Variants in FAF1 observed in about 807,000 individuals in gnomAD.
The protein encoded by FAF1 is Fas associated factor 1.
In FAF1, 25 loss-of-function variants were observed where a neutral mutation model predicts 92.5. That is an observed-to-expected ratio of 0.27 (90% CI 0.20 to 0.38). FAF1 has a LOEUF of 0.38. Among genes scored for constraint, FAF1 ranks in the 10% least tolerant of loss-of-function variants. The pLI is 1.00. For missense variants in FAF1, 636 were observed against 793.3 expected (o/e 0.80, Z 2.38); for synonymous variants, 234 against 273.2 (o/e 0.86, Z 1.42).
Position 50,543,867 on chromosome 1 carries a change from C to G in FAF1, c.1269-4139G>C, listed in dbSNP as rs370836990. Among the ~76,000 whole-genome samples, 29 of 152,018 alleles carry G rather than the reference C, an allele frequency of 1.9e-4. No homozygotes were observed. In the South Asian group the frequency reaches 4.8e-3, roughly 25 times the overall value. ...AATACCACAAAATTTTAAACATTTA[C>G]AACTGGATACAAAACTAAAATCACT... On this transcript the variant is annotated intron_variant, in intron 13 of 18. Transcript: ENST00000396153.
intron 3 of FAF1, among the ~76,000 whole-genome samples, chr1:50,801,045 C>T (rs1168207470): frequency 6.6e-6 from 1 of 152,208 alleles, no homozygotes; most frequent in Non-Finnish European, 1.5e-5. Context: ...TACATTGCAA[C>T]TATTATAATT....
At chr1:50,549,469 C>T (rs1024711273) in intron 13 of FAF1, among the ~76,000 whole-genome samples, 3 of 151,710 alleles carry the variant, frequency 2.0e-5, no homozygotes, top group African/African-American at 7.3e-5. Context: ...CCACCATGCC[C>T]AGCTAAGTTT....
intron 8 of FAF1, among the ~76,000 whole-genome samples, chr1:50,609,039 T>C (rs1196665682): frequency 6.6e-6 from 1 of 152,244 alleles, no homozygotes; most frequent in Non-Finnish European, 1.5e-5. Context: ...GACAGTACTA[T>C]AAGTAGAGTG....
intron 13 of FAF1, among the ~76,000 whole-genome samples, chr1:50,556,238 C>CAA (rs34420030): frequency 0.014 from 1,038 of 73,716 alleles, 19 homozygotes; most frequent in African/African-American, 0.046. Flanking sequence ...ACTCCATCTC[C>CAA]AAAAAAAAAA....
At chr1:50,584,389 T>C (rs1651127823) in intron 10 of FAF1, among the ~76,000 whole-genome samples, 2 of 152,138 alleles carry the variant, frequency 1.3e-5, no homozygotes, top group Admixed American at 1.3e-4. Context: ...AGTACACCTG[T>C]TTGTTAATCA....
chr1:50,538,320 G>A (rs932187628), intron 14 of FAF1, among the ~76,000 whole-genome samples: 29 of 151,956 alleles, frequency 1.9e-4, no homozygotes, highest in African/African-American at 6.3e-4. Flanking sequence ...CTCCCATTGT[G>A]CCACATAAAC....
chr1:50,850,002 C>T (rs972438069), intron 2 of FAF1, among the ~76,000 whole-genome samples: 2 of 150,200 alleles, frequency 1.3e-5, no homozygotes, highest in Admixed American at 6.6e-5. Context: ...GGGAAAGAGG[C>T]AACAAAATAG....
At position 50,880,703 on chromosome 1, in the gene FAF1, G is replaced by T. The variant is rs139792208; in HGVS notation, c.46-22706C>A. Among the ~76,000 whole-genome samples the T allele has an allele frequency of 7.0e-4, 106 of 152,304 alleles. No individual in the cohort carries two copies. The East Asian group carries it at 0.018, about 25-fold the overall frequency. ...AGAAAATTTGTTTCTGTTGTTTAAGGCACCCAGTGTACGATATTGTTACGG... is the reference window on the plus strand; with the variant it reads ...AGAAAATTTGTTTCTGTTGTTTAAGTCACCCAGTGTACGATATTGTTACGG... On this transcript the variant is annotated intron_variant, in intron 1 of 18. Transcript: ENST00000396153.
chr1:50,570,194 A>G (rs777802567), intron 12 of FAF1, among the ~76,000 whole-genome samples: 13 of 152,240 alleles, frequency 8.5e-5, no homozygotes, highest in Non-Finnish European at 1.6e-4. Context: ...GCCAATTCAC[A>G]AAGCCTAGGA....
Position 50,584,742 on chromosome 1 carries a change from C to T in FAF1, c.910G>A (p.Val304Met). 1 of 1,613,630 alleles carries T rather than the reference C, an allele frequency of 6.2e-7. No homozygotes were observed. Among genetic ancestry groups the T allele is most frequent in the South Asian group, 1.1e-5 (1 of 91,070 alleles). The part of the protein sequence containing the change: ...DDFEDATEFG[V>M]DDGEVFGMAS... ...ATGCCAAATACTTCTCCATCATCCA[C>T]CCCAAATTCTGTAGCATCTTCAAAG... is the stretch of plus-strand genomic sequence containing the variant. Residue 304 changes from valine (V) to methionine (M), a missense_variant, in exon 10 of 19, where the codon GTG becomes ATG. Val to Met is a conservative substitution (Grantham distance 21). Coordinates refer to ENST00000396153, the MANE Select transcript of FAF1 (RefSeq NM_007051.3).
intron 13 of FAF1, 42 bp from the exon 14 acceptor site, chr1:50,539,770 TTAATAGATTTAC>T (rs767973107): frequency 6.8e-7 from 1 of 1,479,488 alleles, no homozygotes. Context: ...GCTTTGTAGT[TTAATAGATTTAC>T]TAGTACTTCA....
At chr1:50,537,868 T>C (rs1026251952) in intron 14 of FAF1, among the ~76,000 whole-genome samples, 4 of 152,196 alleles carry the variant, frequency 2.6e-5, no homozygotes, top group Admixed American at 6.6e-5. Flanking sequence ...TTCATAAATG[T>C]GGATGTTCTT....
At chr1:50,628,018 A>G (rs11205746) in intron 8 of FAF1, among the ~76,000 whole-genome samples, 74,468 of 151,966 alleles carry the variant, frequency 0.49, 20,366 homozygotes, top group African/African-American at 0.72. Flanking sequence ...ATAACTGCAG[A>G]TAACTCTGAA....
At chr1:50,554,390 T>TATAGAGAGAGAGAGAGAGAGAGAGAG in intron 13 of FAF1, among the ~76,000 whole-genome samples, 18 of 93,684 alleles carry the variant, frequency 1.9e-4, no homozygotes, top group African/African-American at 8.5e-4. Context: ...TATATATATA[T>TATAGAGAGAGAGAGAGAGAGAGAGAG]AGAGAGAGAG....
chr1:50,880,282 GA>G (rs542246706), intron 1 of FAF1, among the ~76,000 whole-genome samples: 224 of 152,234 alleles, frequency 1.5e-3, no homozygotes, highest in African/African-American at 5.2e-3. Flanking sequence ...TAAAAAAAGG[GA>G]AAAAGGGCTA....
chr1:50,804,137 C>A (rs1426057855), intron 2 of FAF1, among the ~76,000 whole-genome samples: 1 of 152,070 alleles, frequency 6.6e-6, no homozygotes, highest in African/African-American at 2.4e-5. Context: ...AAGCACTATG[C>A]TAGACAATTA....
At chr1:50,824,832 G>T (rs1644080365) in intron 2 of FAF1, among the ~76,000 whole-genome samples, 1 of 152,040 alleles carries the variant, frequency 6.6e-6, no homozygotes, top group Non-Finnish European at 1.5e-5. Flanking sequence ...TATATTAAGT[G>T]AAATAAGCCA....
intron 1 of FAF1, among the ~76,000 whole-genome samples, chr1:50,907,612 G>C (rs1231725540): frequency 6.6e-6 from 1 of 152,134 alleles, no homozygotes; most frequent in Non-Finnish European, 1.5e-5. Flanking sequence ...TCTTGGGAGG[G>C]TGCATGTGTC....
intron 2 of FAF1, among the ~76,000 whole-genome samples, chr1:50,812,912 T>C (rs1239736864): frequency 2.0e-5 from 3 of 152,270 alleles, no homozygotes; most frequent in South Asian, 2.1e-4. Context: ...CAACAATATG[T>C]CCTTTGCAGC....
Sources: allele counts gnomAD v4.1 joint callset (sites outside exome capture counted in the v4.1 genomes callset), GRCh38; gene constraint gnomAD v4.1.1; transcripts MANE v1.5; gene names NCBI Gene and HGNC (gene_info 2026-07-23, HGNC 2026-07-21).